Variants in SERPINE3 observed in about 807,000 individuals in gnomAD.
SERPINE3 encodes serpin E3.
A neutral mutation model predicts 41.7 loss-of-function variants in SERPINE3; 43 were observed. That is an observed-to-expected ratio of 1.03 (90% confidence interval 0.81 to 1.33). The LOEUF (loss-of-function observed/expected upper bound fraction) is 1.33, where lower values mean the gene tolerates loss of function less well. Ranked by LOEUF, SERPINE3 falls within the 40% of genes most tolerant of loss-of-function variation. The probability of loss-of-function intolerance (pLI) is 0.00; values close to 1 mark genes in which losing one functional copy is unlikely to be tolerated. For missense variants in SERPINE3, 440 were observed against 491.7 expected (o/e 0.89, Z 0.99); for synonymous variants, 200 against 192.2 (o/e 1.04, Z -0.34).
chr13:51,355,151 C>T lies in SERPINE3; in HGVS notation c.1000+8C>T, dbSNP rs367568769. ...ACTTGAAAGGAATTTCAGGTAAAAA[C>T]GGTTCTTCTTCCAAACGTTCTAGCC... On this transcript the variant is annotated splice_region_variant and intron_variant, in intron 7 of 9. Transcript: ENST00000681248. 33 of 1,410,836 alleles carry T rather than the reference C, an allele frequency of 2.3e-5. No individual in the cohort carries two copies. The African/African-American group carries it at 3.6e-4, about 15-fold the overall frequency. 87.4% of individuals were successfully genotyped at this position (1,410,836 alleles called of 1,614,324 possible).
chr13:51,361,429 T>C (rs1955572904), intron 8 of SERPINE3, 65 bp downstream of exon 8: 4 of 980,664 alleles, frequency 4.1e-6, no homozygotes, highest in Non-Finnish European at 6.4e-6. Context: ...TTTACCTAGT[T>C]GAATCTTCAC....
rs747307858 is a variant in SERPINE3 at position 51,348,428 on chromosome 13, C to T, written c.899+17C>T. The T allele has an allele frequency of 1.9e-6, 3 of 1,604,894 alleles. No homozygotes were observed. Among genetic ancestry groups the T allele is most frequent in the South Asian group, 1.1e-5 (1 of 90,556 alleles). Reference sequence around the variant, plus strand: ...CCTGCCCAGGTGAGCAGCTGAGTCCCCCTCACAGGTGCTGTGCAGCCAGCA... The same window carrying T: ...CCTGCCCAGGTGAGCAGCTGAGTCCTCCTCACAGGTGCTGTGCAGCCAGCA... On this transcript the variant is annotated intron_variant, in intron 6 of 9. Coordinates refer to ENST00000681248, the MANE Select transcript of SERPINE3 (RefSeq NM_001386375.1).
intron 3 of SERPINE3, 87 bp from the exon 4 acceptor site, chr13:51,344,165 C>T: frequency 2.1e-6 from 2 of 937,104 alleles, no homozygotes; most frequent in Non-Finnish European, 3.4e-6. Flanking sequence ...TGCTGGCGTT[C>T]CATCTCAATG....
chr13:51,353,681 CT>C (rs1334794514), intron 6 of SERPINE3, among the ~76,000 whole-genome samples: 1 of 152,084 alleles, frequency 6.6e-6, no homozygotes, highest in African/African-American at 2.4e-5. Flanking sequence ...AAGTATATTT[CT>C]TTTTTGGAAA....
chr13:51,361,342 C>T lies in SERPINE3; in HGVS notation c.1065C>T (p.Gly355=). Residue 355 remains glycine, a synonymous_variant, in exon 8 of 10, where the codon GGC becomes GGT. Coordinates refer to ENST00000681248, the MANE Select transcript of SERPINE3 (RefSeq NM_001386375.1). ...CCAAGATTGAAGTTTTGGAGGAAGG[C>T]ACCAAGGCATCTGGAGCCACAGGTA... ...HKAKIEVLEE[G]TKASGATALL... 6.2e-7 allele frequency: 1 copy of T among 1,608,990 alleles called. No individual in the cohort carries two copies. Among genetic ancestry groups the T allele is most frequent in the Non-Finnish European group, 8.5e-7 (1 of 1,176,564 alleles).
Position 51,361,412 on chromosome 13 carries a change from T to C in SERPINE3, c.1087+48T>C, listed in dbSNP as rs1955572623. 3.4e-6 allele frequency: 4 copies of C among 1,174,708 alleles called. No individual in the cohort carries two copies. The East Asian group carries it at 9.6e-5, about 28-fold the overall frequency. 72.8% of individuals were successfully genotyped at this position (1,174,708 alleles called of 1,614,324 possible). On this transcript the variant is annotated intron_variant, in intron 8 of 9. Transcript: ENST00000681248. The stretch of plus-strand genomic sequence containing the variant: ...CACACTGCTTACCCATATCTACCTT[T>C]CTGAAATTTACCTAGTTGAATCTTC...
Position 51,344,504 on chromosome 13 carries a change from T to C in SERPINE3, c.490+19T>C, listed in dbSNP as rs1254721972. ...ACTGCAGGTAAAAGAAAACTGTACA[T>C]TTCAACAAGGCTAAGGCAGAGGGCT... On this transcript the variant is annotated intron_variant, in intron 4 of 9. Coordinates refer to ENST00000681248, the MANE Select transcript of SERPINE3 (RefSeq NM_001386375.1). The C allele has an allele frequency of 6.5e-7, 1 of 1,537,576 alleles. No homozygotes were observed.
intron 7 of SERPINE3, among the ~76,000 whole-genome samples, 179 bp from the exon 8 acceptor site, chr13:51,361,099 A>C (rs956827385): frequency 1.3e-5 from 2 of 151,744 alleles, no homozygotes; most frequent in Non-Finnish European, 2.9e-5. Flanking sequence ...AGAATTTTCC[A>C]AACAGCTACC....
intron 7 of SERPINE3, among the ~76,000 whole-genome samples, chr13:51,359,229 A>C (rs1435710144): frequency 6.6e-6 from 1 of 152,054 alleles, no homozygotes. Flanking sequence ...GGTTCATTTC[A>C]TTAGTTCTGT....
intron 7 of SERPINE3, 86 bp from the exon 8 acceptor site, chr13:51,361,191 TG>T: frequency 1.2e-6 from 1 of 868,864 alleles, no homozygotes; most frequent in Non-Finnish European, 1.9e-6. Flanking sequence ...CTATAAATTT[TG>T]TAAGTACATT....
chr13:51,346,740 T>C lies in SERPINE3; in HGVS notation c.491-285T>C, dbSNP rs28659855. Among the ~76,000 whole-genome samples, 4 of 152,342 alleles carry C rather than the reference T, an allele frequency of 2.6e-5. No homozygotes were observed. The East Asian group carries it at 7.7e-4, about 29-fold the overall frequency. The stretch of plus-strand genomic sequence containing the variant: ...CCCTGTGAGGTTATCTTAAAGACTC[T>C]AGGTCTAGGATTTTTATAAAATGAC... On this transcript the variant is annotated intron_variant, in intron 4 of 9. Coordinates refer to ENST00000681248, the MANE Select transcript of SERPINE3 (RefSeq NM_001386375.1).
In SERPINE3 at chr13:51,348,206, C is replaced by A. The variant is rs1217341938; in HGVS notation, c.701-7C>A. The A allele has an allele frequency of 7.0e-6, 11 of 1,574,172 alleles. No homozygotes were observed. The African/African-American group carries it at 1.5e-4, about 21-fold the overall frequency. On this transcript the variant is annotated splice_region_variant and splice_polypyrimidine_tract_variant and intron_variant, in intron 5 of 9. Coordinates refer to ENST00000681248, the MANE Select transcript of SERPINE3 (RefSeq NM_001386375.1). ...CAGAGCTGACCTCTGATCCACTGTA[C>A]CCTCAGGTCAGTTCCAGGACACTGC...
chr13:51,357,912 G>A (rs1025030681), intron 7 of SERPINE3, among the ~76,000 whole-genome samples: 2 of 152,064 alleles, frequency 1.3e-5, no homozygotes, highest in African/African-American at 2.4e-5. Flanking sequence ...ATCTCTGCTC[G>A]GTAAGAAGTA....
At chr13:51,362,158 G>C (rs1955591550) in intron 9 of SERPINE3, 2 of 947,940 alleles carry the variant, frequency 2.1e-6, no homozygotes, top group Admixed American at 3.8e-5. Flanking sequence ...TAATGCTATA[G>C]GTTTCTACTT....
chr13:51,341,421 G>A, intron 3 of SERPINE3, 74 bp downstream of exon 3: 1 of 1,366,574 alleles, frequency 7.3e-7, no homozygotes, highest in Non-Finnish European at 1.0e-6. Context: ...TCACCCTCCT[G>A]CTCACACTCA....
At chr13:51,364,072 T>C in intron 9 of SERPINE3, 167 bp from the exon 10 acceptor site, 1 of 396,914 alleles carries the variant, frequency 2.5e-6, no homozygotes, top group Non-Finnish European at 4.4e-6. Flanking sequence ...GGATTTTGTG[T>C]AACTCTCAAT....
intron 7 of SERPINE3, among the ~76,000 whole-genome samples, chr13:51,360,145 G>C (rs899531942): frequency 1.3e-5 from 2 of 152,190 alleles, no homozygotes; most frequent in African/African-American, 4.8e-5. Context: ...GCTATCTCCT[G>C]TGTGTGCGTG....
Position 51,341,183 on chromosome 13 carries a change from CTG to C in SERPINE3, c.93_94del (p.Glu32ValfsTer13), listed in dbSNP as rs1955286149. On this transcript the variant is annotated frameshift_variant, in exon 3 of 10. Transcript: ENST00000681248. LOFTEE classifies it high-confidence loss of function. ...CGTGAAGGAATGACATTGCTGAAGACTGAGTTTGCACTTCACCTCTACCAGAG... is the reference window on the plus strand; with the variant it reads ...CGTGAAGGAATGACATTGCTGAAGACAGTTTGCACTTCACCTCTACCAGAG... The C allele has an allele frequency of 6.2e-7, 1 of 1,613,950 alleles. No homozygotes were observed. The highest frequency in any genetic ancestry group is 1.3e-5 in the African/African-American group (1 of 74,958).
chr13:51,341,645 G>A (rs1000643609), intron 3 of SERPINE3, among the ~76,000 whole-genome samples: 5 of 152,174 alleles, frequency 3.3e-5, no homozygotes, highest in Admixed American at 2.0e-4. Context: ...AACCTAATAG[G>A]TTTCATGGCA....
Sources: allele counts gnomAD v4.1 joint callset (sites outside exome capture counted in the v4.1 genomes callset), GRCh38; gene constraint gnomAD v4.1.1; transcripts MANE v1.5; gene names NCBI Gene and HGNC (gene_info 2026-07-23, HGNC 2026-07-21).